The following MACC1 variants were observed in gnomAD, a reference collection of about 807,000 sequenced individuals.
The protein encoded by MACC1 is metastasis-associated in colon cancer protein 1.
In MACC1, 79 loss-of-function variants were observed where a neutral mutation model predicts 70.7. That is an observed-to-expected ratio of 1.12 (90% CI 0.93 to 1.35). The LOEUF (loss-of-function observed/expected upper bound fraction) is 1.35. Among genes scored for constraint, MACC1 ranks in the 40% most tolerant of loss-of-function variants. The probability of loss-of-function intolerance (pLI) is 0.00; values close to 1 mark genes in which losing one functional copy is unlikely to be tolerated. For synonymous variants in MACC1, 361 were observed against 347.2 expected (o/e 1.04, Z -0.44); for missense variants, 1,106 against 978.1 (o/e 1.13, Z -1.74).
intron 5 of MACC1, 87 bp downstream of exon 5, chr7:20,158,117 T>C: frequency 6.9e-7 from 1 of 1,439,036 alleles, no homozygotes; most frequent in South Asian, 1.5e-5. Flanking sequence ...TTTTAAACAT[T>C]TCTCCTCTCA....
intron 1 of MACC1, among the ~76,000 whole-genome samples, chr7:20,177,524 T>C (rs1467594880): frequency 6.6e-6 from 1 of 152,120 alleles, no homozygotes; most frequent in Non-Finnish European, 1.5e-5. Context: ...GGATTTTTTC[T>C]TTGTTTTTCT....
At chr7:20,175,269 A>G (rs1047357326) in intron 1 of MACC1, among the ~76,000 whole-genome samples, 3 of 152,070 alleles carry the variant, frequency 2.0e-5, no homozygotes, top group Admixed American at 1.3e-4. Context: ...CAAACTATCC[A>G]TTATTCCAAC....
At chr7:20,208,328 G>T (rs1268805965) in intron 1 of MACC1, among the ~76,000 whole-genome samples, 1 of 152,206 alleles carries the variant, frequency 6.6e-6, no homozygotes, top group African/African-American at 2.4e-5. Context: ...GAGGAAGACA[G>T]GAAAATGTGG....
At chr7:20,196,327 C>A (rs534626682) in intron 1 of MACC1, among the ~76,000 whole-genome samples, 52 of 152,128 alleles carry the variant, frequency 3.4e-4, no homozygotes, top group African/African-American at 1.2e-3. Flanking sequence ...ACTACAGGCG[C>A]CCGCCACCAC....
intron 1 of MACC1, among the ~76,000 whole-genome samples, chr7:20,172,759 G>A (rs760712628): frequency 2.0e-5 from 3 of 152,198 alleles, no homozygotes; most frequent in Admixed American, 2.0e-4. Flanking sequence ...TCTCCAAGAA[G>A]GAGCTCTTCC....
At chr7:20,153,513 T>C (rs1355806120) in intron 6 of MACC1, 1 of 152,206 alleles carries the variant, frequency 6.6e-6, no homozygotes, top group African/African-American at 2.4e-5. Flanking sequence ...TTTAATTCAA[T>C]AAAAATTGAC....
chr7:20,177,067 T>C (rs529426633), intron 1 of MACC1, among the ~76,000 whole-genome samples: 1 of 152,168 alleles, frequency 6.6e-6, no homozygotes, highest in Non-Finnish European at 1.5e-5. Context: ...CTTGTACAAG[T>C]GTCAATTTCC....
At chr7:20,202,137 T>C (rs994799140) in intron 1 of MACC1, among the ~76,000 whole-genome samples, 15 of 152,018 alleles carry the variant, frequency 9.9e-5, no homozygotes, top group Admixed American at 9.8e-4. Flanking sequence ...AGCCAGTGAA[T>C]AGTTTCTTCG....
chr7:20,158,183 C>T (rs937584495), intron 5 of MACC1, 21 bp downstream of exon 5: 6 of 1,532,370 alleles, frequency 3.9e-6, no homozygotes, highest in Non-Finnish European at 5.2e-6. Flanking sequence ...CAATTCATTA[C>T]CATGATCAAG....
intron 5 of MACC1, among the ~76,000 whole-genome samples, chr7:20,157,315 T>C (rs1284075042): frequency 1.3e-5 from 2 of 152,118 alleles, no homozygotes; most frequent in Admixed American, 1.3e-4. Context: ...AAAAAGTACT[T>C]TGTAATTCTA....
chr7:20,178,629 C>T (rs963375814), intron 1 of MACC1, among the ~76,000 whole-genome samples: 1 of 152,068 alleles, frequency 6.6e-6, no homozygotes, highest in Non-Finnish European at 1.5e-5. Context: ...GATGGAGTTT[C>T]GCTCTTGTTG....
intron 1 of MACC1, among the ~76,000 whole-genome samples, chr7:20,192,239 A>G (rs1298710555): frequency 1.3e-5 from 2 of 152,186 alleles, no homozygotes; most frequent in African/African-American, 4.8e-5. Context: ...GAGCAGGTAA[A>G]CAATTAAGGA....
chr7:20,192,432 G>A (rs998093462), intron 1 of MACC1, among the ~76,000 whole-genome samples: 1 of 152,132 alleles, frequency 6.6e-6, no homozygotes, highest in South Asian at 2.1e-4. Flanking sequence ...CCCTAAGATC[G>A]TCACGCTGGA....
intron 1 of MACC1, among the ~76,000 whole-genome samples, chr7:20,212,737 C>T (rs1052299046): frequency 6.6e-6 from 1 of 151,986 alleles, no homozygotes; most frequent in Non-Finnish European, 1.5e-5. Flanking sequence ...TGCATTTCCC[C>T]ACAAGAACCA....
At chr7:20,177,709 T>TAGCTG (rs888125647) in intron 1 of MACC1, among the ~76,000 whole-genome samples, 1 of 142,486 alleles carries the variant, frequency 7.0e-6, no homozygotes, top group African/African-American at 2.7e-5. Flanking sequence ...TTTCAGAATT[T>TAGCTG]AGCTGCCTTT....
At chr7:20,209,975 AAGAG>A (rs1008590374) in intron 1 of MACC1, among the ~76,000 whole-genome samples, 1 of 152,100 alleles carries the variant, frequency 6.6e-6, no homozygotes, top group African/African-American at 2.4e-5. Context: ...CTGCCCTGTG[AAGAG>A]GTGCCTTCTG....
At chr7:20,173,853 G>A (rs577285067) in intron 1 of MACC1, among the ~76,000 whole-genome samples, 120 of 152,308 alleles carry the variant, frequency 7.9e-4, no homozygotes, top group Admixed American at 1.9e-3. Flanking sequence ...AACTAGCTCT[G>A]AAAGTGAGGC....
chr7:20,181,631 A>T (rs1305508942), intron 1 of MACC1, among the ~76,000 whole-genome samples: 3 of 152,164 alleles, frequency 2.0e-5, no homozygotes, highest in African/African-American at 7.2e-5. Flanking sequence ...GAAAATTTTT[A>T]TCTGGTAAAG....
intron 1 of MACC1, among the ~76,000 whole-genome samples, chr7:20,200,677 C>A (rs936898098): frequency 1.3e-5 from 2 of 152,184 alleles, no homozygotes; most frequent in Non-Finnish European, 2.9e-5. Context: ...CAGAAGAAAT[C>A]TTTTCACTGA....
Sources: allele counts gnomAD v4.1 joint callset (sites outside exome capture counted in the v4.1 genomes callset), GRCh38; gene constraint gnomAD v4.1.1; transcripts MANE v1.5; gene names NCBI Gene and HGNC (gene_info 2026-07-23, HGNC 2026-07-21).